Variants in ZFPM2 observed in about 807,000 individuals in gnomAD.
ZFPM2 encodes the protein zinc finger protein ZFPM2.
A neutral mutation model predicts 98.6 loss-of-function variants in ZFPM2; 20 were observed. The observed-to-expected ratio is 0.20, with a 90% CI of 0.14 to 0.29. The LOEUF (loss-of-function observed/expected upper bound fraction) is 0.29, where lower values mean the gene tolerates loss of function less well. Ranked by LOEUF, ZFPM2 falls within the 10% of genes least tolerant of loss-of-function variation. ZFPM2 has a pLI of 1.00. For synonymous variants in ZFPM2, 518 were observed against 502.7 expected, an observed-to-expected ratio of 1.03 and a Z score of -0.41; for missense variants, 1,310 against 1,388.6, an observed-to-expected ratio of 0.94 and a Z score of 0.90.
chr8:105,547,542 C>CAAAAAAAAAAAA (rs148322534), intron 3 of ZFPM2, among the ~76,000 whole-genome samples: 3 of 47,186 alleles, frequency 6.4e-5, no homozygotes, highest in African/African-American at 2.0e-4. Flanking sequence ...AACTCCATCT[C>CAAAAAAAAAAAA]AAAAAAAAAA....
At chr8:105,753,679 A>C (rs1812525973) in intron 5 of ZFPM2, among the ~76,000 whole-genome samples, 1 of 152,200 alleles carries the variant, frequency 6.6e-6, no homozygotes. Flanking sequence ...AAAACATGTT[A>C]GTAAGAAAAT....
At chr8:105,613,928 A>T (rs1415296919) in intron 4 of ZFPM2, among the ~76,000 whole-genome samples, 1 of 152,180 alleles carries the variant, frequency 6.6e-6, no homozygotes, top group Non-Finnish European at 1.5e-5. Flanking sequence ...TTATTGTTCA[A>T]CTAGAATTCC....
intron 1 of ZFPM2, among the ~76,000 whole-genome samples, chr8:105,383,807 C>T (rs999424097): frequency 6.6e-6 from 1 of 152,066 alleles, no homozygotes; most frequent in African/African-American, 2.4e-5. Context: ...TCAGCCAGCA[C>T]CAAGTTGTGC....
At chr8:105,701,173 T>C (rs936110823) in intron 5 of ZFPM2, among the ~76,000 whole-genome samples, 11 of 152,208 alleles carry the variant, frequency 7.2e-5, no homozygotes, top group Admixed American at 3.9e-4. Flanking sequence ...GAGTTGGCTA[T>C]AGTTAATATT....
At chr8:105,476,264 G>C (rs1796845983) in intron 3 of ZFPM2, among the ~76,000 whole-genome samples, 1 of 152,188 alleles carries the variant, frequency 6.6e-6, no homozygotes, top group South Asian at 2.1e-4. Context: ...TAGGAGCCGG[G>C]CTGCACAGCA....
intron 4 of ZFPM2, chr8:105,616,615 G>A (rs1816420581): frequency 9.6e-6 from 3 of 313,690 alleles, no homozygotes; most frequent in Non-Finnish European, 1.9e-5. Context: ...ATAAGTCTAA[G>A]TGATTTATAA....
chr8:105,753,080 C>A (rs1812514826), intron 5 of ZFPM2, among the ~76,000 whole-genome samples: 1 of 152,098 alleles, frequency 6.6e-6, no homozygotes, highest in South Asian at 2.1e-4. Context: ...GCCAGGGTCA[C>A]CCAAAGGGGG....
chr8:105,517,167 C>T (rs780132999), intron 3 of ZFPM2, among the ~76,000 whole-genome samples: 30 of 152,056 alleles, frequency 2.0e-4, no homozygotes, highest in Admixed American at 4.6e-4. Flanking sequence ...TTTCAGTAAA[C>T]GGAAGTAGGG....
chr8:105,777,533 T>C (rs1389426925), intron 5 of ZFPM2, among the ~76,000 whole-genome samples: 1 of 152,122 alleles, frequency 6.6e-6, no homozygotes, highest in Non-Finnish European at 1.5e-5. Context: ...GGATGTTCTA[T>C]AAAAAGCTGT....
intron 3 of ZFPM2, among the ~76,000 whole-genome samples, chr8:105,457,824 C>T (rs1013634456): frequency 8.5e-5 from 13 of 152,158 alleles, no homozygotes; most frequent in African/African-American, 2.4e-4. Context: ...CCCTGTCACT[C>T]TCATACCTGA....
intron 3 of ZFPM2, among the ~76,000 whole-genome samples, chr8:105,470,005 C>A (rs1019577062): frequency 2.0e-5 from 3 of 152,060 alleles, no homozygotes; most frequent in African/African-American, 7.2e-5. Flanking sequence ...AAATATTAGC[C>A]ATTGTTATGA....
intron 1 of ZFPM2, chr8:105,418,553 G>GA (rs1563649605): frequency 9.8e-6 from 5 of 511,050 alleles, no homozygotes; most frequent in Non-Finnish European, 1.9e-5. Context: ...TTTCATTTCA[G>GA]AAAAAATTCA....
intron 3 of ZFPM2, among the ~76,000 whole-genome samples, chr8:105,450,884 A>G (rs1025298328): frequency 2.0e-5 from 3 of 152,136 alleles, no homozygotes; most frequent in Admixed American, 1.3e-4. Context: ...CTCTTTGTAG[A>G]ACAGAATGCC....
rs568455306 is a variant in ZFPM2, at chr8:105,787,632, C to T, written c.533-1086C>T. ...AAAAAATGAAGTGCAGTTGAAAAGA[C>T]AGTTATGTTGAAAGATAAACAGAGC... On this transcript the variant is annotated intron_variant, in intron 5 of 7. Transcript: ENST00000407775. The T allele has an allele frequency of 9.9e-5, 15 of 152,042 alleles. No homozygotes were observed. In the East Asian group the frequency reaches 1.9e-3, roughly 20 times the overall value. 9.4% of individuals were successfully genotyped at this position (152,042 alleles called of 1,614,324 possible).
At chr8:105,653,630 G>T (rs928595203) in intron 5 of ZFPM2, among the ~76,000 whole-genome samples, 23 of 152,120 alleles carry the variant, frequency 1.5e-4, no homozygotes, top group African/African-American at 5.3e-4. Context: ...AGAAGCCAGG[G>T]TCTAGTGATT....
intron 3 of ZFPM2, among the ~76,000 whole-genome samples, chr8:105,464,146 T>C (rs145778202): frequency 6.6e-6 from 1 of 152,006 alleles, no homozygotes; most frequent in African/African-American, 2.4e-5. Context: ...CTATTTTCAA[T>C]TGGCTGTATA....
chr8:105,802,103 G>A lies in ZFPM2; in HGVS notation c.2021G>A (p.Ser674Asn), dbSNP rs1400566117. The change falls in exon 8 of 8, where the codon AGT (serine) becomes AAT (asparagine). Residue 674 changes from serine (S) to asparagine (N), a missense_variant. By Grantham distance (46) the Ser-to-Asn change is conservative (BLOSUM62 1). Coordinates refer to ENST00000407775, the MANE Select transcript of ZFPM2 (RefSeq NM_012082.4). ...NGKPVDVKNP[S>N]VPLVDGESDP... The stretch of plus-strand genomic sequence containing the variant: ...AAACCTGTTGATGTGAAAAATCCCA[G>A]TGTCCCCTTAGTGGATGGGGAAAGT... 1.9e-6 allele frequency: 3 copies of A among 1,613,740 alleles called. No individual in the cohort carries two copies. Among genetic ancestry groups the A allele is most frequent in the African/African-American group, 2.7e-5 (2 of 74,906 alleles).
At chr8:105,695,318 G>A (rs117579553) in intron 5 of ZFPM2, among the ~76,000 whole-genome samples, 164 of 150,454 alleles carry the variant, frequency 1.1e-3, no homozygotes, top group African/African-American at 3.7e-3. Flanking sequence ...CAGTGTCTTC[G>A]CAGATTAAAG....
chr8:105,339,547 T>C (rs906818352), intron 1 of ZFPM2, among the ~76,000 whole-genome samples: 6 of 151,966 alleles, frequency 3.9e-5, no homozygotes, highest in Admixed American at 2.0e-4. Flanking sequence ...GTGTTTTCAT[T>C]TGCATGTATT....
Sources: gnomAD v4.1 joint callset for allele counts (sites outside exome capture counted in the v4.1 genomes callset) on GRCh38, gnomAD v4.1.1 for gene constraint, MANE v1.5 for transcripts, NCBI Gene and HGNC (gene_info 2026-07-23, HGNC 2026-07-21) for gene names.